Variants in FRMD5 observed in about 807,000 individuals in gnomAD.
FRMD5 encodes FERM domain containing 5, also known as FERM domain-containing protein 5.
A neutral mutation model predicts 69.0 loss-of-function variants in FRMD5; 20 were observed. That is an observed-to-expected ratio of 0.29 (90% CI 0.20 to 0.42). The LOEUF is 0.42. Ranked by LOEUF, FRMD5 falls within the 10% of genes least tolerant of loss-of-function variation. FRMD5 has a pLI of 1.00. For synonymous variants in FRMD5, 271 were observed against 260.1 expected, an observed-to-expected ratio of 1.04 and a Z score of -0.40; for missense variants, 595 against 708.6, an observed-to-expected ratio of 0.84 and a Z score of 1.82.
chr15:43,904,841 T>C (rs561298233), intron 6 of FRMD5, among the ~76,000 whole-genome samples: 1 of 152,272 alleles, frequency 6.6e-6, no homozygotes, highest in Non-Finnish European at 1.5e-5. Flanking sequence ...TGTTTTATGG[T>C]ATTCAGCATA....
chr15:44,031,103 G>A (rs2140284460), intron 1 of FRMD5, among the ~76,000 whole-genome samples: 1 of 152,196 alleles, frequency 6.6e-6, no homozygotes, highest in East Asian at 1.9e-4. Flanking sequence ...GAGTGCTTTG[G>A]GCTCCCACCT....
Position 44,044,527 on chromosome 15 carries a change from A to G in FRMD5, c.103-120218T>C, listed in dbSNP as rs375137299. Reference sequence around the variant, plus strand: ...TTGGAACCAACCCAAATGTCCATCAATGATAGACTGGATAAACAATATATG... The same window carrying G: ...TTGGAACCAACCCAAATGTCCATCAGTGATAGACTGGATAAACAATATATG... On this transcript the variant is annotated intron_variant, in intron 1 of 13. Coordinates refer to ENST00000417257, the MANE Select transcript of FRMD5 (RefSeq NM_032892.5). Among the ~76,000 whole-genome samples, 21 of 152,346 alleles carry G rather than the reference A, an allele frequency of 1.4e-4. 1 individual carries two copies. The East Asian group carries it at 2.7e-3, about 20-fold the overall frequency.
At chr15:44,024,622 C>A (rs974768906) in intron 1 of FRMD5, among the ~76,000 whole-genome samples, 5 of 152,096 alleles carry the variant, frequency 3.3e-5, no homozygotes, top group African/African-American at 4.8e-5. Context: ...TTGATCATTT[C>A]TTAAATTGGG....
At chr15:43,977,291 G>A (rs1595580387) in intron 1 of FRMD5, among the ~76,000 whole-genome samples, 1 of 152,032 alleles carries the variant, frequency 6.6e-6, no homozygotes, top group East Asian at 1.9e-4. Flanking sequence ...CTTTGTTTTT[G>A]GAAACACTGT....
intron 1 of FRMD5, among the ~76,000 whole-genome samples, chr15:44,086,289 C>T (rs934260355): frequency 6.6e-6 from 1 of 152,036 alleles, no homozygotes; most frequent in Non-Finnish European, 1.5e-5. Context: ...ATTCATAACA[C>T]CCAAAAGATG....
chr15:43,875,376 A>G (rs1229977425), intron 13 of FRMD5, among the ~76,000 whole-genome samples: 1 of 141,534 alleles, frequency 7.1e-6, no homozygotes, highest in Non-Finnish European at 1.5e-5. Context: ...ATATATATAT[A>G]TATATATATA....
chr15:44,169,170 A>G (rs546266929), intron 1 of FRMD5, among the ~76,000 whole-genome samples: 2 of 152,180 alleles, frequency 1.3e-5, no homozygotes, highest in Non-Finnish European at 2.9e-5. Context: ...CACCTCCCCA[A>G]TTATTCCTGT....
chr15:44,160,266 G>C (rs1466780971), intron 1 of FRMD5, among the ~76,000 whole-genome samples: 2 of 152,224 alleles, frequency 1.3e-5, no homozygotes, highest in Non-Finnish European at 2.9e-5. Flanking sequence ...TGAGGCAGGA[G>C]AATCACTTGA....
At chr15:44,096,387 A>G (rs375770653) in intron 1 of FRMD5, among the ~76,000 whole-genome samples, 95 of 151,432 alleles carry the variant, frequency 6.3e-4, no homozygotes, top group African/African-American at 2.2e-3. Flanking sequence ...TGAAGGATCA[A>G]TCTAGTACGG....
chr15:44,050,298 G>A (rs1012325365), intron 1 of FRMD5, among the ~76,000 whole-genome samples: 1 of 152,020 alleles, frequency 6.6e-6, no homozygotes, highest in South Asian at 2.1e-4. Flanking sequence ...CAAAACACTA[G>A]AAAGAAAAAA....
At chr15:44,069,868 CA>C (rs1566930862) in intron 1 of FRMD5, among the ~76,000 whole-genome samples, 1 of 152,112 alleles carries the variant, frequency 6.6e-6, no homozygotes, top group Non-Finnish European at 1.5e-5. Flanking sequence ...TGTAAATCTA[CA>C]ATTATCTCAG....
intron 1 of FRMD5, among the ~76,000 whole-genome samples, chr15:44,125,668 T>C (rs910341911): frequency 6.6e-6 from 1 of 152,256 alleles, no homozygotes; most frequent in Admixed American, 6.5e-5. Flanking sequence ...AAAACTCTTA[T>C]TTCTGAAGAA....
At chr15:43,938,642 T>C (rs1320556711) in intron 1 of FRMD5, among the ~76,000 whole-genome samples, 1 of 152,152 alleles carries the variant, frequency 6.6e-6, no homozygotes, top group African/African-American at 2.4e-5. Context: ...CTGGGCACTA[T>C]TGGCCTGCTT....
intron 1 of FRMD5, among the ~76,000 whole-genome samples, chr15:44,178,624 C>A (rs1483454780): frequency 2.0e-5 from 3 of 152,094 alleles, no homozygotes; most frequent in African/African-American, 2.4e-5. Context: ...TAGTGAAAGT[C>A]AACATAAAAC....
intron 4 of FRMD5, among the ~76,000 whole-genome samples, chr15:43,912,013 C>G (rs937404034): frequency 2.0e-5 from 3 of 152,170 alleles, no homozygotes; most frequent in Non-Finnish European, 2.9e-5. Context: ...CAAAGTGTAG[C>G]CCACATATCA....
chr15:44,048,163 C>T lies in FRMD5; in HGVS notation c.103-123854G>A, dbSNP rs115794017. Reference sequence around the variant, plus strand: ...CAAACTGTTTTCCAAAGTGGCTATACCATTTTCTATTCCTACCAGCAGTAT... The same window carrying T: ...CAAACTGTTTTCCAAAGTGGCTATATCATTTTCTATTCCTACCAGCAGTAT... On this transcript the variant is annotated intron_variant, in intron 1 of 13. Transcript: ENST00000417257. 4.9e-3 allele frequency among the ~76,000 whole-genome samples: 740 copies of T among 152,218 alleles called. 12 individuals carry two copies. Among genetic ancestry groups the T allele is most frequent in the African/African-American group, 0.017 (709 of 41,536 alleles).
At chr15:44,011,230 A>G (rs997667269) in intron 1 of FRMD5, among the ~76,000 whole-genome samples, 2 of 25,738 alleles carry the variant, frequency 7.8e-5, no homozygotes, top group African/African-American at 1.5e-4. Context: ...CTAATACTTT[A>G]CATCCTTAAA....
Position 43,960,527 on chromosome 15 carries a change from G to T in FRMD5, c.103-36218C>A, listed in dbSNP as rs62023684. The stretch of plus-strand genomic sequence containing the variant: ...GCCTCCCAAAGTGCTGGGATTACAG[G>T]CGTGAGCCACAGTGCCTGGCCTAAT... On this transcript the variant is annotated intron_variant, in intron 1 of 13. Transcript: ENST00000417257. Among the ~76,000 whole-genome samples the T allele has an allele frequency of 3.6e-3, 545 of 152,262 alleles. 2 individuals carry two copies. The highest frequency in any genetic ancestry group is 6.2e-3 in the Non-Finnish European group (421 of 68,020).
chr15:43,922,939 G>T (rs1407092868), intron 2 of FRMD5, among the ~76,000 whole-genome samples: 1 of 152,158 alleles, frequency 6.6e-6, no homozygotes, highest in Non-Finnish European at 1.5e-5. Context: ...CAAAGTGCTG[G>T]GATTACAGGC....
Sources: gnomAD v4.1 joint callset for allele counts (sites outside exome capture counted in the v4.1 genomes callset) on GRCh38, gnomAD v4.1.1 for gene constraint, MANE v1.5 for transcripts, NCBI Gene and HGNC (gene_info 2026-07-23, HGNC 2026-07-21) for gene names.